PTTG1IP2: variants seen among roughly 807,000 people sequenced by gnomAD.
PTTG1IP2 encodes the protein PTTG1IP family member 2.
rs1797885720 is a variant in PTTG1IP2, at chr7:90,487,312, T to G, written c.193-15T>G. 1 of 152,646 alleles carries G rather than the reference T, an allele frequency of 6.6e-6. No homozygotes were observed. Among genetic ancestry groups the G allele is most frequent in the South Asian group, 2.1e-4 (1 of 4,832 alleles). 9.5% of individuals were successfully genotyped at this position (152,646 alleles called of 1,614,324 possible). A position where few individuals can be genotyped will look rare whatever the true frequency, so the allele number is the denominator to read the frequency against. ...TACTTGGACACCACTTTTATTTTTC[T>G]CTTTCCAAATATAGTGTGTTTGGTG... On this transcript the variant is annotated splice_polypyrimidine_tract_variant and intron_variant, in intron 2 of 6. Transcript: ENST00000509356.
At chr7:90,474,530 G>A (rs1038800880) in intron 1 of PTTG1IP2, among the ~76,000 whole-genome samples, 4 of 152,356 alleles carry the variant, frequency 2.6e-5, no homozygotes, top group South Asian at 2.1e-4. Flanking sequence ...ACAAAGAGCA[G>A]GAGGGAGTTG....
intron 1 of PTTG1IP2, among the ~76,000 whole-genome samples, chr7:90,471,505 A>T (rs929604942): frequency 1.3e-5 from 2 of 152,238 alleles, no homozygotes; most frequent in Non-Finnish European, 2.9e-5. Flanking sequence ...GACTGGATTA[A>T]AAAATATACT....
chr7:90,496,869 A>T (rs773407953), intron 6 of PTTG1IP2, among the ~76,000 whole-genome samples: 2 of 152,108 alleles, frequency 1.3e-5, no homozygotes, highest in Non-Finnish European at 2.9e-5. Flanking sequence ...GCATCCCATA[A>T]ATTTTAGTAT....
intron 6 of PTTG1IP2, among the ~76,000 whole-genome samples, chr7:90,508,534 T>C (rs11563859): frequency 0.052 from 7,969 of 152,154 alleles, 501 homozygotes; most frequent in East Asian, 0.16. Context: ...GGTGAAAAAG[T>C]ACAGATTATA....
chr7:90,480,331 A>G (rs1278711625), intron 2 of PTTG1IP2, among the ~76,000 whole-genome samples: 3 of 152,034 alleles, frequency 2.0e-5, no homozygotes, highest in Non-Finnish European at 4.4e-5. Context: ...TCTTCCATAG[A>G]CTTCCTTCTC....
At chr7:90,502,001 T>A (rs1275422591) in intron 6 of PTTG1IP2, among the ~76,000 whole-genome samples, 1 of 152,220 alleles carries the variant, frequency 6.6e-6, no homozygotes, top group African/African-American at 2.4e-5. Context: ...CCCTTTGTAG[T>A]CATTTCAACA....
chr7:90,511,356 T>C (rs138689600), intron 6 of PTTG1IP2, among the ~76,000 whole-genome samples: 1 of 152,340 alleles, frequency 6.6e-6, no homozygotes, highest in African/African-American at 2.4e-5. Context: ...TAAACCTTGA[T>C]TGCATCTTTA....
chr7:90,504,453 A>G (rs1798102228), intron 6 of PTTG1IP2, among the ~76,000 whole-genome samples: 1 of 152,210 alleles, frequency 6.6e-6, no homozygotes, highest in Admixed American at 6.5e-5. Flanking sequence ...ATAAAGGTCC[A>G]GGTAGTAAAT....
At chr7:90,486,467 C>CTTTTTTTTTTTTTTTTTTTTTTTTT (rs532687452) in intron 2 of PTTG1IP2, among the ~76,000 whole-genome samples, 5 of 119,222 alleles carry the variant, frequency 4.2e-5, no homozygotes, top group Non-Finnish European at 8.7e-5. Context: ...CTTTGTCTTC[C>CTTTTTTTTTTTTTTTTTTTTTTTTT]TTTTTTTTTT....
chr7:90,470,694 T>A (rs1489791453), intron 1 of PTTG1IP2, among the ~76,000 whole-genome samples: 1 of 151,832 alleles, frequency 6.6e-6, no homozygotes, highest in Non-Finnish European at 1.5e-5. Context: ...GGGGGTAGGG[T>A]TGGGGCGACG....
At chr7:90,472,304 A>AG (rs1335283538) in intron 1 of PTTG1IP2, among the ~76,000 whole-genome samples, 2 of 145,438 alleles carry the variant, frequency 1.4e-5, no homozygotes, top group Non-Finnish European at 3.1e-5. Flanking sequence ...ACACACACAC[A>AG]CACACACACA....
chr7:90,485,847 C>T (rs1797868520), intron 2 of PTTG1IP2, among the ~76,000 whole-genome samples: 1 of 152,078 alleles, frequency 6.6e-6, no homozygotes, highest in Non-Finnish European at 1.5e-5. Flanking sequence ...CCCTTAAAAC[C>T]CTGCTAGATC....
chr7:90,507,991 C>T (rs1219524449), intron 6 of PTTG1IP2, among the ~76,000 whole-genome samples: 1 of 151,976 alleles, frequency 6.6e-6, no homozygotes, highest in African/African-American at 2.4e-5. Context: ...GGCACAATAG[C>T]TCACACCTGT....
chr7:90,475,236 A>G (rs1183284373), intron 1 of PTTG1IP2, among the ~76,000 whole-genome samples: 1 of 152,212 alleles, frequency 6.6e-6, no homozygotes, highest in Admixed American at 6.5e-5. Context: ...CTATAGTCAC[A>G]CTGTGGTTGC....
chr7:90,489,521 T>C (rs1797915580), intron 4 of PTTG1IP2, among the ~76,000 whole-genome samples: 1 of 151,856 alleles, frequency 6.6e-6, no homozygotes, highest in Non-Finnish European at 1.5e-5. Flanking sequence ...ATAAGAAAAT[T>C]TGGATCCCTT....
At chr7:90,495,128 T>TA (rs1431712114) in intron 6 of PTTG1IP2, among the ~76,000 whole-genome samples, 2 of 152,230 alleles carry the variant, frequency 1.3e-5, no homozygotes, top group African/African-American at 2.4e-5. Flanking sequence ...TATGCCACGT[T>TA]AGACAACTAA....
intron 6 of PTTG1IP2, among the ~76,000 whole-genome samples, chr7:90,505,917 A>G (rs12112093): frequency 0.053 from 7,726 of 144,910 alleles, 481 homozygotes; most frequent in East Asian, 0.17. Flanking sequence ...CCGGGAGGCG[A>G]AGCTTGCAGT....
chr7:90,489,753 G>GAAATAT (rs1301849176), intron 4 of PTTG1IP2, among the ~76,000 whole-genome samples: 1 of 151,804 alleles, frequency 6.6e-6, no homozygotes, highest in Non-Finnish European at 1.5e-5. Context: ...AGTGGAGTAG[G>GAAATAT]AAATATAATT....
At chr7:90,510,818 C>T (rs1303440161) in intron 6 of PTTG1IP2, among the ~76,000 whole-genome samples, 1 of 152,116 alleles carries the variant, frequency 6.6e-6, no homozygotes, top group East Asian at 1.9e-4. Flanking sequence ...ATGTAAATAA[C>T]TGTGTTGCAG....
Sources: allele counts gnomAD v4.1 joint callset (sites outside exome capture counted in the v4.1 genomes callset), GRCh38; gene constraint gnomAD v4.1.1; transcripts MANE v1.5; gene names NCBI Gene and HGNC (gene_info 2026-07-23, HGNC 2026-07-21).